The following PTCHD4 variants were observed in gnomAD, a reference collection of about 807,000 sequenced individuals.
The protein encoded by PTCHD4 is patched domain containing 4.
In PTCHD4, 33 loss-of-function variants were observed where a neutral mutation model predicts 58.1. The ratio of observed to expected loss-of-function variants is 0.57; its 90% CI spans 0.43 to 0.76. The LOEUF is 0.76. PTCHD4 is among the 30% of genes least tolerant of loss of function. PTCHD4 has a pLI of 0.00. For synonymous variants in PTCHD4, 478 were observed against 409.6 expected (o/e 1.17, Z -2.02); for missense variants, 1,058 against 1,027.1 (o/e 1.03, Z -0.41).
chr6:47,965,294 G>T (rs909105262), intron 4 of PTCHD4, among the ~76,000 whole-genome samples: 3 of 152,270 alleles, frequency 2.0e-5, no homozygotes, highest in African/African-American at 7.2e-5. Context: ...AAGTTTTCAT[G>T]ACAAAGTTGC....
At chr6:48,063,180 T>G (rs1764689881) in intron 3 of PTCHD4, among the ~76,000 whole-genome samples, 1 of 152,202 alleles carries the variant, frequency 6.6e-6, no homozygotes, top group Non-Finnish European at 1.5e-5. Flanking sequence ...TACTTTTAGC[T>G]AATCCTGGAG....
At chr6:47,914,754 A>ATCTG (rs1765187156) in intron 4 of PTCHD4, among the ~76,000 whole-genome samples, 1 of 145,698 alleles carries the variant, frequency 6.9e-6, no homozygotes, top group South Asian at 2.1e-4. Flanking sequence ...TTATCTATCT[A>ATCTG]TCTATCTATC....
chr6:47,867,761 A>T lies in PTCHD4; in HGVS notation c.*10542T>A, dbSNP rs1044187330. On this transcript the variant is annotated 3_prime_UTR_variant, in exon 5 of 5. Transcript: ENST00000339488. ...TGGATCAGTTCATAATTCCTTCCTT[A>T]CTTTCCTTGAATACTCCAGCTGCAA... 6.6e-6 allele frequency among the ~76,000 whole-genome samples: 1 copy of T among 151,624 alleles called. No homozygotes were observed.
intron 3 of PTCHD4, among the ~76,000 whole-genome samples, chr6:48,058,688 G>A (rs144434325): frequency 1.4e-3 from 213 of 152,316 alleles, no homozygotes; most frequent in African/African-American, 4.4e-3. Flanking sequence ...GTCAAGGCTA[G>A]CTCTATTTAG....
At chr6:48,106,389 C>T (rs1269039482) in intron 1 of PTCHD4, among the ~76,000 whole-genome samples, 1 of 152,138 alleles carries the variant, frequency 6.6e-6, no homozygotes, top group Non-Finnish European at 1.5e-5. Flanking sequence ...AGACCTTTGA[C>T]AAAATTCAAC....
intron 4 of PTCHD4, among the ~76,000 whole-genome samples, chr6:47,946,239 T>C (rs574824989): frequency 4.3e-4 from 65 of 152,258 alleles, no homozygotes; most frequent in African/African-American, 9.4e-4. Context: ...GTTGAAATAT[T>C]CCATTATTAC....
At chr6:47,890,914 A>G (rs1764357678) in intron 4 of PTCHD4, 4 of 984,312 alleles carry the variant, frequency 4.1e-6, no homozygotes, top group Middle Eastern at 5.2e-4. Context: ...CAAGTTTTCG[A>G]AAATGAATAT....
At chr6:48,079,820 G>A (rs1007880942) in intron 1 of PTCHD4, among the ~76,000 whole-genome samples, 5 of 151,850 alleles carry the variant, frequency 3.3e-5, no homozygotes, top group Admixed American at 1.3e-4. Flanking sequence ...ACTGCTCCTA[G>A]GAGCTGAAAC....
In PTCHD4 at chr6:48,067,303, T is replaced by C. The variant is rs529752180; in HGVS notation, c.417+927A>G. Among the ~76,000 whole-genome samples, 8 of 152,360 alleles carry C rather than the reference T, an allele frequency of 5.3e-5. No individual in the cohort carries two copies. In the South Asian group the frequency reaches 1.7e-3, roughly 32 times the overall value. ...AATTGAGAGTCTAAACAGCACAATA[T>C]ATTTAATGCTGAAATGACCGTTCTT... On this transcript the variant is annotated intron_variant, in intron 3 of 4. Transcript: ENST00000339488.
Position 48,068,677 on chromosome 6 carries a change from C to A in PTCHD4, c.6-36G>T. 1 of 1,507,010 alleles carries A rather than the reference C, an allele frequency of 6.6e-7. No individual in the cohort carries two copies. The highest frequency in any genetic ancestry group is 8.8e-7 in the Non-Finnish European group (1 of 1,131,364). 93.4% of individuals were successfully genotyped at this position (1,507,010 alleles called of 1,614,324 possible). On this transcript the variant is annotated intron_variant, in intron 2 of 4. Coordinates refer to ENST00000339488, the MANE Select transcript of PTCHD4 (RefSeq NM_001384253.1). This position sits in a 1 kb window ranked among gnomAD's most constrained non-coding sequence, Gnocchi z 4.2. ...ACATGTGACATGTGTAAGCGCCGGG[C>A]TACCCCGTTCTCCCCCATCCCACCC...
intron 3 of PTCHD4, among the ~76,000 whole-genome samples, chr6:48,049,455 T>G (rs777303697): frequency 8.6e-5 from 13 of 151,922 alleles, no homozygotes; most frequent in Non-Finnish European, 1.8e-4. Context: ...AATAATGCAC[T>G]CATGTGTTTA....
At chr6:47,985,186 T>A (rs1198968549) in intron 4 of PTCHD4, among the ~76,000 whole-genome samples, 1 of 152,140 alleles carries the variant, frequency 6.6e-6, no homozygotes, top group Non-Finnish European at 1.5e-5. Flanking sequence ...CTTCCATTCT[T>A]ACTACTCTTT....
At position 47,902,027 on chromosome 6, in the gene PTCHD4, G is replaced by A; in HGVS notation, c.899-22091C>T. The A allele has an allele frequency of 5.3e-6, 4 of 759,002 alleles. No homozygotes were observed. The East Asian group carries it at 1.9e-4, about 37-fold the overall frequency. The allele number at this position is 759,002 out of a possible 1,614,324, so 47.0% of individuals were successfully genotyped here. A position where few individuals can be genotyped will look rare whatever the true frequency, so the allele number is the denominator to read the frequency against. ...CCACTTAGTATAGTAAAAACACTGGGGAACTGAAGAGTTATCACCATCATC... is the reference window on the plus strand; with the variant it reads ...CCACTTAGTATAGTAAAAACACTGGAGAACTGAAGAGTTATCACCATCATC... On this transcript the variant is annotated intron_variant, in intron 4 of 4. Coordinates refer to ENST00000339488, the MANE Select transcript of PTCHD4 (RefSeq NM_001384253.1).
intron 3 of PTCHD4, among the ~76,000 whole-genome samples, chr6:48,048,810 G>A (rs928997523): frequency 6.6e-6 from 1 of 152,008 alleles, no homozygotes; most frequent in Non-Finnish European, 1.5e-5. Context: ...ACTTTCACAA[G>A]TGAACAAGGT....
At chr6:48,034,491 G>GA (rs1238711554) in intron 3 of PTCHD4, among the ~76,000 whole-genome samples, 12 of 151,816 alleles carry the variant, frequency 7.9e-5, no homozygotes, top group African/African-American at 2.2e-4. Flanking sequence ...AATTTCCTTG[G>GA]AAAAAAATGA....
At chr6:47,942,727 T>C (rs1262240534) in intron 4 of PTCHD4, among the ~76,000 whole-genome samples, 1 of 152,214 alleles carries the variant, frequency 6.6e-6, no homozygotes, top group Admixed American at 6.5e-5. Context: ...CTAGCAGACA[T>C]TGCTCAGTTT....
intron 1 of PTCHD4, among the ~76,000 whole-genome samples, chr6:48,072,961 T>G (rs1360418): frequency 0.98 from 149,409 of 152,194 alleles, 73,347 homozygotes; most frequent in East Asian, 1. Context: ...TTTATACTGT[T>G]AAAAGTCAAT....
intron 1 of PTCHD4, among the ~76,000 whole-genome samples, chr6:48,083,762 C>T (rs1012741789): frequency 6.6e-6 from 1 of 152,066 alleles, no homozygotes; most frequent in African/African-American, 2.4e-5. Context: ...AAGATTAGCC[C>T]CTGGCTGACA....
At chr6:48,107,691 A>C (rs1352210045) in intron 1 of PTCHD4, among the ~76,000 whole-genome samples, 3 of 152,196 alleles carry the variant, frequency 2.0e-5, no homozygotes, top group Non-Finnish European at 4.4e-5. Flanking sequence ...AAATTTTTGC[A>C]ACCTACTCAT....
Sources: gnomAD v4.1 joint callset for allele counts (sites outside exome capture counted in the v4.1 genomes callset) on GRCh38, gnomAD v4.1.1 for gene constraint, Gnocchi (gnomAD v3.1) non-coding constraint, MANE v1.5 for transcripts, NCBI Gene and HGNC (gene_info 2026-07-23, HGNC 2026-07-21) for gene names.